Variants in PSTPIP2 observed in about 807,000 individuals in gnomAD.
PSTPIP2 encodes proline-serine-threonine phosphatase-interacting protein 2.
Under a neutral mutation model 63.3 loss-of-function variants are expected in PSTPIP2, and 33 were observed. The observed-to-expected ratio is 0.52, with a 90% CI of 0.40 to 0.70. The LOEUF (loss-of-function observed/expected upper bound fraction) is 0.70, where lower values mean the gene tolerates loss of function less well. PSTPIP2 is among the 30% of genes least tolerant of loss of function. The probability of loss-of-function intolerance (pLI) is 0.00; values close to 1 mark genes in which losing one functional copy is unlikely to be tolerated. For synonymous variants in PSTPIP2, 125 were observed against 132.7 expected (o/e 0.94, Z 0.40); for missense variants, 312 against 400.7 (o/e 0.78, Z 1.89).
At chr18:46,047,182 T>C (rs1908411176) in intron 1 of PSTPIP2, among the ~76,000 whole-genome samples, 1 of 152,250 alleles carries the variant, frequency 6.6e-6, no homozygotes, top group Non-Finnish European at 1.5e-5. Flanking sequence ...CCCTATGCTG[T>C]CAACCTTGAT....
chr18:46,009,386 AAAAAAC>A (rs562811010), intron 5 of PSTPIP2, among the ~76,000 whole-genome samples: 11,721 of 131,278 alleles, frequency 0.089, 1,144 homozygotes, highest in East Asian at 0.34. Flanking sequence ...AAAAAAAAAA[AAAAAAC>A]CTAGCTAAAT....
At chr18:46,043,431 G>A (rs1009752507) in intron 1 of PSTPIP2, among the ~76,000 whole-genome samples, 8 of 151,130 alleles carry the variant, frequency 5.3e-5, no homozygotes, top group Admixed American at 2.6e-4. Context: ...GAATCTCAAC[G>A]CAGAAAAAGG....
intron 2 of PSTPIP2, among the ~76,000 whole-genome samples, chr18:46,037,765 C>T (rs1908033280): frequency 6.6e-6 from 1 of 152,204 alleles, no homozygotes; most frequent in African/African-American, 2.4e-5. Context: ...TCTCCACGCC[C>T]AGGGCATGCC....
chr18:45,998,916 T>C (rs1568211457), intron 7 of PSTPIP2, 77 bp from the exon 8 acceptor site: 13 of 1,519,448 alleles, frequency 8.6e-6, no homozygotes, highest in African/African-American at 1.4e-5. Context: ...GCAAAACAGA[T>C]TGAAAAGCAG....
At chr18:46,055,958 A>G (rs1162436068) in intron 1 of PSTPIP2, among the ~76,000 whole-genome samples, 1 of 152,230 alleles carries the variant, frequency 6.6e-6, no homozygotes, top group Admixed American at 6.5e-5. Flanking sequence ...AAAACCGAGT[A>G]TTTTTAGACT....
intron 3 of PSTPIP2, among the ~76,000 whole-genome samples, chr18:46,020,436 C>T (rs559818033): frequency 5.3e-5 from 8 of 152,106 alleles, no homozygotes; most frequent in South Asian, 4.1e-4. Context: ...AGGTGGATCA[C>T]GAGGTCAGGA....
At chr18:46,054,247 G>T (rs569315028) in intron 1 of PSTPIP2, among the ~76,000 whole-genome samples, 9 of 152,284 alleles carry the variant, frequency 5.9e-5, no homozygotes, top group African/African-American at 1.9e-4. Context: ...GCAGTCTCTT[G>T]TTGACCAAAA....
intron 6 of PSTPIP2, among the ~76,000 whole-genome samples, chr18:46,000,485 G>A (rs1031066471): frequency 1.3e-5 from 2 of 152,178 alleles, no homozygotes; most frequent in Non-Finnish European, 2.9e-5. Flanking sequence ...TCCTGCCTCA[G>A]TCTCCCTAGT....
chr18:46,002,630 C>A (rs62095418), intron 6 of PSTPIP2, among the ~76,000 whole-genome samples: 1 of 152,058 alleles, frequency 6.6e-6, no homozygotes, highest in Non-Finnish European at 1.5e-5. Context: ...TTTTCTATTT[C>A]TTTGCCAGTC....
chr18:45,996,380 A>C (rs2051594392), intron 9 of PSTPIP2, among the ~76,000 whole-genome samples: 3 of 152,196 alleles, frequency 2.0e-5, no homozygotes, highest in Admixed American at 2.0e-4. Flanking sequence ...CTTTACCCCC[A>C]GAGTTTCTGA....
At chr18:46,067,490 G>A (rs148700164) in intron 1 of PSTPIP2, among the ~76,000 whole-genome samples, 3,399 of 134,214 alleles carry the variant, frequency 0.025, 126 homozygotes, top group African/African-American at 0.093. Context: ...GCAACAGGGC[G>A]AGACTCTGTC....
intron 1 of PSTPIP2, among the ~76,000 whole-genome samples, chr18:46,059,011 CTTAA>C (rs1409781360): frequency 6.6e-6 from 1 of 151,114 alleles, no homozygotes; most frequent in Non-Finnish European, 1.5e-5. Context: ...GGGAAATCCT[CTTAA>C]TTCTTTTTTT....
In PSTPIP2 at chr18:46,011,929, A is replaced by G. The variant is rs771338154; in HGVS notation, c.248-642T>C. On this transcript the variant is annotated intron_variant, in intron 4 of 14. Coordinates refer to ENST00000409746, the MANE Select transcript of PSTPIP2 (RefSeq NM_024430.4). ...ATGGTCAGATTGATCTAAGAAAAAA[A>G]TTTAAACTTGTGGGTATCAAAACCT... is the stretch of plus-strand genomic sequence containing the variant. 1.4e-3 allele frequency among the ~76,000 whole-genome samples: 206 copies of G among 152,372 alleles called. 1 individual carries two copies. The highest frequency in any genetic ancestry group is 2.4e-3 in the Non-Finnish European group (162 of 68,044).
At chr18:46,040,807 T>A (rs1908164500) in intron 1 of PSTPIP2, among the ~76,000 whole-genome samples, 1 of 152,120 alleles carries the variant, frequency 6.6e-6, no homozygotes, top group Non-Finnish European at 1.5e-5. Context: ...AAACAGGAAG[T>A]GACAGACAAA....
At chr18:46,046,642 A>G (rs1908394339) in intron 1 of PSTPIP2, among the ~76,000 whole-genome samples, 1 of 152,126 alleles carries the variant, frequency 6.6e-6, no homozygotes, top group Non-Finnish European at 1.5e-5. Flanking sequence ...AGGAGCTTAT[A>G]AGAAGAAGAA....
chr18:46,061,306 CAA>C (rs112035966), intron 1 of PSTPIP2, among the ~76,000 whole-genome samples: 136 of 115,732 alleles, frequency 1.2e-3, no homozygotes, highest in African/African-American at 1.7e-3. Context: ...TCCATTTCAC[CAA>C]AAAAAAAAAA....
Position 46,015,948 on chromosome 18 carries a change from C to A in PSTPIP2, c.213-11G>T. ...GCCCGCTTCAGGGTGCTAAAAAAAACAAGCACATATATAATTTCAGTTCTG... is the reference window on the plus strand; with the variant it reads ...GCCCGCTTCAGGGTGCTAAAAAAAAAAAGCACATATATAATTTCAGTTCTG... On this transcript the variant is annotated splice_polypyrimidine_tract_variant and intron_variant, in intron 3 of 14. Transcript: ENST00000409746. The A allele has an allele frequency of 1.2e-6, 2 of 1,611,116 alleles. No homozygotes were observed. Among genetic ancestry groups the A allele is most frequent in the Non-Finnish European group, 1.7e-6 (2 of 1,178,042 alleles).
intron 4 of PSTPIP2, among the ~76,000 whole-genome samples, chr18:46,011,551 C>T (rs1047481166): frequency 6.6e-5 from 10 of 152,146 alleles, no homozygotes; most frequent in African/African-American, 2.4e-4. Flanking sequence ...GGGAGAAAAG[C>T]AGCCAAAGTT....
intron 13 of PSTPIP2, among the ~76,000 whole-genome samples, chr18:45,989,339 T>A (rs1255708834): frequency 6.6e-6 from 1 of 152,174 alleles, no homozygotes; most frequent in Non-Finnish European, 1.5e-5. Flanking sequence ...AGTGAATAAG[T>A]CTCACGAGAT....
Sources: gnomAD v4.1 joint callset for allele counts (sites outside exome capture counted in the v4.1 genomes callset) on GRCh38, gnomAD v4.1.1 for gene constraint, MANE v1.5 for transcripts, NCBI Gene and HGNC (gene_info 2026-07-23, HGNC 2026-07-21) for gene names.